The following PPM1E variants were observed in gnomAD, a reference collection of about 807,000 sequenced individuals.
The protein encoded by PPM1E is protein phosphatase 1E.
In PPM1E, 20 loss-of-function variants were observed where a neutral mutation model predicts 65.9. That is an observed-to-expected ratio of 0.30 (90% CI 0.21 to 0.44). The LOEUF (loss-of-function observed/expected upper bound fraction) is 0.44, where lower values mean the gene tolerates loss of function less well. Ranked by LOEUF, PPM1E falls within the 20% of genes least tolerant of loss-of-function variation. The pLI, the probability that PPM1E is intolerant of heterozygous loss-of-function variation, is 1.00. For synonymous variants in PPM1E, 352 were observed against 374.9 expected, an observed-to-expected ratio of 0.94 and a Z score of 0.70; for missense variants, 713 against 953.1, an observed-to-expected ratio of 0.75 and a Z score of 3.32.
chr17:58,789,120 A>G (rs971147904), intron 1 of PPM1E, among the ~76,000 whole-genome samples: 1 of 152,224 alleles, frequency 6.6e-6, no homozygotes, highest in Non-Finnish European at 1.5e-5. Context: ...TAATAAAAGC[A>G]ATTAAGTGAT....
Position 58,980,027 on chromosome 17 carries a change from G to C in PPM1E, c.1264G>C (p.Val422Leu), listed in dbSNP as rs1306609740. 1.2e-6 allele frequency: 2 copies of C among 1,614,018 alleles called. No individual in the cohort carries two copies. The highest frequency in any genetic ancestry group is 1.3e-5 in the African/African-American group (1 of 74,914). ...ICGDADSAST[V>L]LDGTEDYLIL... Reference sequence around the variant, plus strand: ...TGGGGATGCAGATTCTGCCTCCACTGTTCTGGATGGGACCGAAGACTACCT... The same window carrying C: ...TGGGGATGCAGATTCTGCCTCCACTCTTCTGGATGGGACCGAAGACTACCT... The change falls in exon 7 of 7, where the codon GTT becomes CTT. Residue 422 changes from valine to leucine, a missense_variant. Transcript: ENST00000308249. This position sits in a 1 kb window ranked among gnomAD's most constrained non-coding sequence, Gnocchi z 4.7.
intron 1 of PPM1E, among the ~76,000 whole-genome samples, chr17:58,796,657 T>A (rs776922666): frequency 7.2e-5 from 11 of 152,210 alleles, no homozygotes; most frequent in Non-Finnish European, 1.6e-4. Flanking sequence ...TTATATAAAA[T>A]TTTTGAGGCA....
intron 1 of PPM1E, among the ~76,000 whole-genome samples, chr17:58,941,702 A>AG (rs1365730424): frequency 2.0e-5 from 3 of 146,998 alleles, no homozygotes; most frequent in Non-Finnish European, 4.5e-5. Context: ...AAAAAAAAAA[A>AG]AAAAAAAAAT....
chr17:58,775,201 T>C (rs772168809), intron 1 of PPM1E, among the ~76,000 whole-genome samples: 4 of 152,170 alleles, frequency 2.6e-5, no homozygotes, highest in Admixed American at 6.6e-5. Flanking sequence ...TTTAAAATAA[T>C]GCTTGTAATG....
chr17:58,872,940 T>C (rs1389980850), intron 1 of PPM1E, among the ~76,000 whole-genome samples: 1 of 152,214 alleles, frequency 6.6e-6, no homozygotes, highest in African/African-American at 2.4e-5. Flanking sequence ...GGGTGATAAT[T>C]TGAAGAGATC....
At chr17:58,907,552 C>T (rs1350721471) in intron 1 of PPM1E, among the ~76,000 whole-genome samples, 2 of 152,146 alleles carry the variant, frequency 1.3e-5, no homozygotes, top group African/African-American at 4.8e-5. Context: ...TAATTTTCTG[C>T]CTGCTGCATT....
chr17:58,761,833 G>A (rs1363061406), intron 1 of PPM1E, among the ~76,000 whole-genome samples: 13 of 152,098 alleles, frequency 8.5e-5, no homozygotes, highest in Admixed American at 2.0e-4. Context: ...TTATATCTCC[G>A]TCACTAGACC....
intron 1 of PPM1E, among the ~76,000 whole-genome samples, chr17:58,827,467 A>G (rs944989837): frequency 6.6e-6 from 1 of 152,148 alleles, no homozygotes; most frequent in African/African-American, 2.4e-5. Context: ...CACCTGGCCA[A>G]AATCCATGAT....
At chr17:58,826,854 C>T (rs890623101) in intron 1 of PPM1E, among the ~76,000 whole-genome samples, 1 of 152,066 alleles carries the variant, frequency 6.6e-6, no homozygotes, top group African/African-American at 2.4e-5. Flanking sequence ...TGGTCTCGAT[C>T]CCCTGACCTT....
chr17:58,772,705 G>A (rs147791634), intron 1 of PPM1E, among the ~76,000 whole-genome samples: 7 of 152,220 alleles, frequency 4.6e-5, no homozygotes, highest in Admixed American at 3.9e-4. Flanking sequence ...CTTAATAAAG[G>A]AGGGTAAACC....
chr17:58,967,504 GTA>G (rs892635358), intron 3 of PPM1E, among the ~76,000 whole-genome samples: 38 of 148,408 alleles, frequency 2.6e-4, no homozygotes, highest in African/African-American at 3.2e-4. Context: ...ATATATATGT[GTA>G]TATATATATA....
chr17:58,925,648 G>A (rs2051814960), intron 1 of PPM1E, among the ~76,000 whole-genome samples: 1 of 151,884 alleles, frequency 6.6e-6, no homozygotes, highest in African/African-American at 2.4e-5. Flanking sequence ...CACTGTGTTA[G>A]CCAGGATGGT....
chr17:58,972,988 C>G, intron 6 of PPM1E, 63 bp downstream of exon 6: 45 of 1,103,702 alleles, frequency 4.1e-5, no homozygotes, highest in Non-Finnish European at 5.7e-5. Context: ...CCTGTATCAA[C>G]TCTGATACAG....
chr17:58,974,250 A>G (rs2030854392), intron 6 of PPM1E, among the ~76,000 whole-genome samples: 1 of 152,234 alleles, frequency 6.6e-6, no homozygotes, highest in Non-Finnish European at 1.5e-5. Flanking sequence ...TTATGCCTCT[A>G]AATTATTTCC....
chr17:58,758,926 C>T (rs1218808748), intron 1 of PPM1E, among the ~76,000 whole-genome samples: 3 of 151,878 alleles, frequency 2.0e-5, no homozygotes, highest in Non-Finnish European at 2.9e-5. Context: ...AATAATTAGC[C>T]GGGCATGGTG....
chr17:58,805,576 C>G (rs551729226), intron 1 of PPM1E, among the ~76,000 whole-genome samples: 1 of 152,130 alleles, frequency 6.6e-6, no homozygotes, highest in East Asian at 1.9e-4. Flanking sequence ...TATCCCTCAC[C>G]CCCTATTATT....
chr17:58,950,534 T>G lies in PPM1E; in HGVS notation c.465-5115T>G, dbSNP rs1007811698. ...TATTTTCTACACCATCTCTCTTTTCTTCTCCTTCTGGAATGCCCATAATGC... is the reference window on the plus strand; with the variant it reads ...TATTTTCTACACCATCTCTCTTTTCGTCTCCTTCTGGAATGCCCATAATGC... On this transcript the variant is annotated intron_variant, in intron 1 of 6. Coordinates refer to ENST00000308249, the MANE Select transcript of PPM1E (RefSeq NM_014906.5). Among the ~76,000 whole-genome samples the G allele has an allele frequency of 4.4e-4, 67 of 152,218 alleles. 1 individual carries two copies. Among genetic ancestry groups the G allele is most frequent in the Admixed American group, 1.3e-4 (2 of 15,278 alleles).
chr17:58,884,394 C>T (rs1008333419), intron 1 of PPM1E, among the ~76,000 whole-genome samples: 10 of 152,134 alleles, frequency 6.6e-5, no homozygotes, highest in Non-Finnish European at 1.0e-4. Context: ...TAGGACTTGG[C>T]TCTCTTTGGT....
chr17:58,877,058 C>G (rs1253412105), intron 1 of PPM1E, among the ~76,000 whole-genome samples: 4 of 152,234 alleles, frequency 2.6e-5, no homozygotes, highest in Non-Finnish European at 5.9e-5. Context: ...GCTGGGATTA[C>G]AGGCGTGAGC....
Sources: allele counts gnomAD v4.1 joint callset (sites outside exome capture counted in the v4.1 genomes callset), GRCh38; gene constraint gnomAD v4.1.1; non-coding constraint Gnocchi (gnomAD v3.1); transcripts MANE v1.5; gene names NCBI Gene and HGNC (gene_info 2026-07-23, HGNC 2026-07-21).